The following MLLT3 variants were observed in gnomAD, a reference collection of about 807,000 sequenced individuals.
The protein encoded by MLLT3 is protein AF-9.
Under a neutral mutation model 53.2 loss-of-function variants are expected in MLLT3, and 4 were observed. That is an observed-to-expected ratio of 0.08 (90% CI 0.04 to 0.17). MLLT3 has a LOEUF of 0.17. MLLT3 is among the 10% of genes least tolerant of loss of function. The pLI is 1.00. For missense variants in MLLT3, 569 were observed against 684.0 expected, an observed-to-expected ratio of 0.83 and a Z score of 1.87; for synonymous variants, 283 against 230.6, an observed-to-expected ratio of 1.23 and a Z score of -2.06.
At chr9:20,515,886 T>C (rs1009588317) in intron 2 of MLLT3, among the ~76,000 whole-genome samples, 1 of 152,298 alleles carries the variant, frequency 6.6e-6, no homozygotes, top group South Asian at 2.1e-4. Flanking sequence ...CTGGGGAGTA[T>C]GTCTGAAGAA....
intron 7 of MLLT3, 137 bp downstream of exon 7, chr9:20,363,338 AG>A (rs1821371383): frequency 1.0e-6 from 1 of 971,464 alleles, no homozygotes; most frequent in Admixed American, 2.4e-5. Flanking sequence ...AGGCATACCA[AG>A]GAGACCCTGC....
At chr9:20,461,786 T>C (rs1824113846) in intron 2 of MLLT3, among the ~76,000 whole-genome samples, 1 of 152,190 alleles carries the variant, frequency 6.6e-6, no homozygotes, top group Non-Finnish European at 1.5e-5. Context: ...CTATGATTTA[T>C]GGCCATCTGA....
At chr9:20,417,267 G>T (rs1485123582) in intron 4 of MLLT3, among the ~76,000 whole-genome samples, 3 of 146,868 alleles carry the variant, frequency 2.0e-5, no homozygotes, top group Non-Finnish European at 4.5e-5. Context: ...TAAAACAGTG[G>T]CTCAGATACA....
intron 6 of MLLT3, among the ~76,000 whole-genome samples, chr9:20,364,555 T>G (rs1180337163): frequency 3.3e-5 from 5 of 152,226 alleles, no homozygotes. Context: ...GCTATTACTA[T>G]CTTGACTCCC....
intron 2 of MLLT3, among the ~76,000 whole-genome samples, chr9:20,467,786 G>A (rs1220715568): frequency 6.6e-6 from 1 of 152,168 alleles, no homozygotes; most frequent in African/African-American, 2.4e-5. Context: ...AAAGGAGGCT[G>A]AAGGTTAAGA....
chr9:20,515,391 C>T (rs1187033643), intron 2 of MLLT3, among the ~76,000 whole-genome samples: 1 of 152,154 alleles, frequency 6.6e-6, no homozygotes, highest in Non-Finnish European at 1.5e-5. Flanking sequence ...CTAGGACTGG[C>T]ATACTTGCGG....
intron 2 of MLLT3, among the ~76,000 whole-genome samples, chr9:20,584,969 A>G (rs1236371844): frequency 6.6e-6 from 1 of 152,266 alleles, no homozygotes; most frequent in Non-Finnish European, 1.5e-5. Context: ...TGTTATAAAC[A>G]TTCATGGGCA....
chr9:20,374,422 A>G (rs1239763984), intron 5 of MLLT3, among the ~76,000 whole-genome samples: 1 of 152,216 alleles, frequency 6.6e-6, no homozygotes, highest in Non-Finnish European at 1.5e-5. Flanking sequence ...ACAATTGTGG[A>G]AAAATGCTTT....
At chr9:20,609,150 G>T (rs935873971) in intron 2 of MLLT3, among the ~76,000 whole-genome samples, 1 of 151,946 alleles carries the variant, frequency 6.6e-6, no homozygotes, top group African/African-American at 2.4e-5. Context: ...TGTATTTTTG[G>T]ATAAATTATC....
intron 4 of MLLT3, among the ~76,000 whole-genome samples, chr9:20,442,837 G>A (rs1192757518): frequency 6.6e-6 from 1 of 152,178 alleles, no homozygotes; most frequent in Non-Finnish European, 1.5e-5. Flanking sequence ...AAACAGGACT[G>A]CATTATGCTG....
chr9:20,382,474 T>A (rs1031138345), intron 5 of MLLT3: 8 of 151,874 alleles, frequency 5.3e-5, no homozygotes, highest in African/African-American at 1.9e-4. Flanking sequence ...TTAAGAATGA[T>A]CTTCTTGAAA....
chr9:20,402,584 G>A (rs926310114), intron 5 of MLLT3, among the ~76,000 whole-genome samples: 2 of 152,134 alleles, frequency 1.3e-5, no homozygotes, highest in Admixed American at 6.6e-5. Flanking sequence ...CTCTTTCCAT[G>A]TTTTTATTAT....
chr9:20,530,117 C>A (rs940866120), intron 2 of MLLT3, among the ~76,000 whole-genome samples: 1 of 152,100 alleles, frequency 6.6e-6, no homozygotes, highest in Non-Finnish European at 1.5e-5. Context: ...AATGTTAATG[C>A]TTGTTAATTT....
At chr9:20,596,892 A>G (rs1014360107) in intron 2 of MLLT3, among the ~76,000 whole-genome samples, 3 of 152,292 alleles carry the variant, frequency 2.0e-5, no homozygotes, top group African/African-American at 7.2e-5. Flanking sequence ...GAGTATTGCC[A>G]TCGTAATATT....
At chr9:20,502,074 T>A (rs1243563743) in intron 2 of MLLT3, among the ~76,000 whole-genome samples, 2 of 81,922 alleles carry the variant, frequency 2.4e-5, no homozygotes, top group Non-Finnish European at 4.4e-5. Flanking sequence ...AGAGCGAAAC[T>A]CCATCTCAAA....
At chr9:20,551,212 T>A (rs1818918370) in intron 2 of MLLT3, among the ~76,000 whole-genome samples, 2 of 152,244 alleles carry the variant, frequency 1.3e-5, no homozygotes, top group African/African-American at 2.4e-5. Flanking sequence ...TCCTTGAGTT[T>A]ATTTTTAGGC....
chr9:20,464,434 T>C (rs1041955095), intron 2 of MLLT3, among the ~76,000 whole-genome samples: 1 of 152,002 alleles, frequency 6.6e-6, no homozygotes, highest in Non-Finnish European at 1.5e-5. Context: ...TTAATAAACT[T>C]ATATCCACTG....
chr9:20,468,872 T>C (rs1824300331), intron 2 of MLLT3, among the ~76,000 whole-genome samples: 1 of 152,218 alleles, frequency 6.6e-6, no homozygotes, highest in South Asian at 2.1e-4. Flanking sequence ...CATCTGCTGT[T>C]AACACGATCA....
rs548011751 is a variant in MLLT3 at position 20,363,158 on chromosome 9, C to T, written c.1331+318G>A. 5 of 223,568 alleles carry T rather than the reference C, an allele frequency of 2.2e-5. No homozygotes were observed. The East Asian group carries it at 4.9e-4, about 22-fold the overall frequency. 13.8% of individuals were successfully genotyped at this position (223,568 alleles called of 1,614,324 possible). The stretch of plus-strand genomic sequence containing the variant: ...TCTGAGACTATCTCCAGCAGTGGAT[C>T]AACACAAACTCTTCAAATGAAAACA... On this transcript the variant is annotated intron_variant, in intron 7 of 10. Transcript: ENST00000380338.
Sources: allele counts gnomAD v4.1 joint callset (sites outside exome capture counted in the v4.1 genomes callset), GRCh38; gene constraint gnomAD v4.1.1; transcripts MANE v1.5; gene names NCBI Gene and HGNC (gene_info 2026-07-23, HGNC 2026-07-21).